The following ABCC4 variants were observed in gnomAD, a reference collection of about 807,000 sequenced individuals.
The protein encoded by ABCC4 is ATP-binding cassette sub-family C member 4.
Under a neutral mutation model 168.5 loss-of-function variants are expected in ABCC4, and 102 were observed. The ratio of observed to expected loss-of-function variants is 0.61; its 90% confidence interval spans 0.52 to 0.71. The LOEUF is 0.71. ABCC4 is among the 30% of genes least tolerant of loss of function. The pLI, the probability that ABCC4 is intolerant of heterozygous loss-of-function variation, is 0.00. For synonymous variants in ABCC4, 617 were observed against 590.7 expected, an observed-to-expected ratio of 1.04 and a Z score of -0.65; for missense variants, 1,402 against 1,605.8, an observed-to-expected ratio of 0.87 and a Z score of 2.17.
At chr13:95,099,779 C>T (rs567154082) in intron 20 of ABCC4, among the ~76,000 whole-genome samples, 46 of 152,146 alleles carry the variant, frequency 3.0e-4, no homozygotes, top group South Asian at 2.1e-4. Context: ...CATGACTCAA[C>T]GCAAATGAGA....
At chr13:95,182,800 C>T (rs551262175) in intron 11 of ABCC4, among the ~76,000 whole-genome samples, 2 of 152,244 alleles carry the variant, frequency 1.3e-5, no homozygotes, top group African/African-American at 4.8e-5. Flanking sequence ...CCCAAGGCCT[C>T]GGATTTTAAC....
At chr13:95,207,671 G>A (rs1436219023) in intron 7 of ABCC4, 129 bp downstream of exon 7, 1 of 916,160 alleles carries the variant, frequency 1.1e-6, no homozygotes, top group Non-Finnish European at 1.6e-6. Context: ...CAACTGCCAA[G>A]CGTGGGGACT....
At chr13:95,061,670 A>G (rs1172836756) in intron 26 of ABCC4, among the ~76,000 whole-genome samples, 2 of 21,822 alleles carry the variant, frequency 9.2e-5, no homozygotes, top group Non-Finnish European at 1.2e-4. Flanking sequence ...ATAGAGTGTT[A>G]AAAAAAAAAA....
chr13:95,083,334 C>G (rs763520304), intron 20 of ABCC4, 44 bp from the exon 21 acceptor site: 1 of 1,600,454 alleles, frequency 6.2e-7, no homozygotes, highest in Admixed American at 1.7e-5. Context: ...ATCAAGTATT[C>G]TTTTCAAAAA....
intron 21 of ABCC4, among the ~76,000 whole-genome samples, chr13:95,082,325 C>T (rs2034123908): frequency 1.3e-5 from 2 of 152,232 alleles, no homozygotes; most frequent in South Asian, 4.1e-4. Flanking sequence ...ATGAGATGAA[C>T]TCTGGATTAT....
At chr13:95,059,792 C>A (rs967781437) in intron 26 of ABCC4, among the ~76,000 whole-genome samples, 5 of 152,138 alleles carry the variant, frequency 3.3e-5, no homozygotes, top group African/African-American at 1.2e-4. Context: ...AAGGCCTGCA[C>A]CCCAATCCTT....
intron 19 of ABCC4, among the ~76,000 whole-genome samples, chr13:95,148,484 C>T (rs992104416): frequency 6.6e-6 from 1 of 151,916 alleles, no homozygotes; most frequent in Non-Finnish European, 1.5e-5. Context: ...GATTAATTTT[C>T]AAATTTTAAA....
chr13:95,050,076 CAG>C (rs1179505184), intron 27 of ABCC4, among the ~76,000 whole-genome samples: 1 of 152,146 alleles, frequency 6.6e-6, no homozygotes, highest in Non-Finnish European at 1.5e-5. Context: ...ATGGAGACAG[CAG>C]AGAGACAGAA....
chr13:95,272,118 C>T (rs1469333239), intron 1 of ABCC4, among the ~76,000 whole-genome samples: 2 of 151,834 alleles, frequency 1.3e-5, no homozygotes, highest in African/African-American at 4.8e-5. Context: ...GATCTCGGCT[C>T]ACTGCAACCT....
At chr13:95,169,033 C>T (rs1372378230) in intron 14 of ABCC4, among the ~76,000 whole-genome samples, 3 of 152,082 alleles carry the variant, frequency 2.0e-5, no homozygotes, top group Admixed American at 1.3e-4. Flanking sequence ...TGCCATGTGA[C>T]AACAGAGGCA....
chr13:95,093,268 T>G (rs1594082598), intron 20 of ABCC4, among the ~76,000 whole-genome samples: 1 of 152,140 alleles, frequency 6.6e-6, no homozygotes, highest in South Asian at 2.1e-4. Context: ...ATATCCTTGA[T>G]GAACATAGAT....
At chr13:95,218,930 A>G (rs2039211982) in intron 4 of ABCC4, among the ~76,000 whole-genome samples, 1 of 17,424 alleles carries the variant, frequency 5.7e-5, no homozygotes, top group Non-Finnish European at 1.3e-4. Flanking sequence ...AAAGAAAGAG[A>G]AAGAAAGAAA....
intron 1 of ABCC4, among the ~76,000 whole-genome samples, chr13:95,290,883 G>C (rs1326279139): frequency 6.6e-6 from 1 of 150,892 alleles, no homozygotes; most frequent in African/African-American, 2.4e-5. Context: ...TGTAATCCCA[G>C]CTACTCGGGA....
intron 19 of ABCC4, among the ~76,000 whole-genome samples, chr13:95,141,422 GA>G (rs2093914478): frequency 1.3e-5 from 2 of 151,996 alleles, no homozygotes; most frequent in South Asian, 4.2e-4. Flanking sequence ...CAAAGAAAAC[GA>G]AAAGCTTCAA....
At position 95,105,002 on chromosome 13, in the gene ABCC4, T is replaced by C. The variant is rs150953962; in HGVS notation, c.2535+10920A>G. Reference sequence around the variant, plus strand: ...TTACATTTATTGTGTACTTTATTTCTATTATTATGTGGTAATATATAATGA... The same window carrying C: ...TTACATTTATTGTGTACTTTATTTCCATTATTATGTGGTAATATATAATGA... On this transcript the variant is annotated intron_variant, in intron 20 of 30. Coordinates refer to ENST00000645237, the MANE Select transcript of ABCC4 (RefSeq NM_005845.5). 5.9e-5 allele frequency among the ~76,000 whole-genome samples: 9 copies of C among 152,268 alleles called. No individual in the cohort carries two copies. The East Asian group carries it at 1.7e-3, about 29-fold the overall frequency.
chr13:95,110,875 T>C (rs1335613328), intron 20 of ABCC4, among the ~76,000 whole-genome samples: 2 of 149,894 alleles, frequency 1.3e-5, no homozygotes, highest in Non-Finnish European at 3.0e-5. Context: ...GGCTGAGGTA[T>C]GAGAATTGCT....
intron 1 of ABCC4, among the ~76,000 whole-genome samples, chr13:95,300,618 G>GACACCGGGACACAGAGAGGT (rs1294121059): frequency 6.6e-6 from 1 of 152,170 alleles, no homozygotes; most frequent in African/African-American, 2.4e-5. Context: ...AAGATACAGA[G>GACACCGGGACACAGAGAGGT]ACACCGGGAC....
chr13:95,131,243 A>C (rs193273473), intron 19 of ABCC4, among the ~76,000 whole-genome samples: 64 of 152,334 alleles, frequency 4.2e-4, no homozygotes, highest in African/African-American at 1.4e-3. Context: ...TAGGATTAAA[A>C]AAAGGGGAAG....
At chr13:95,296,412 A>T (rs992715511) in intron 1 of ABCC4, among the ~76,000 whole-genome samples, 3 of 152,048 alleles carry the variant, frequency 2.0e-5, no homozygotes, top group Admixed American at 6.6e-5. Flanking sequence ...TTCCTCTCTA[A>T]GCCATCCCCT....
Sources: allele counts gnomAD v4.1 joint callset (sites outside exome capture counted in the v4.1 genomes callset), GRCh38; gene constraint gnomAD v4.1.1; transcripts MANE v1.5; gene names NCBI Gene and HGNC (gene_info 2026-07-23, HGNC 2026-07-21).